NDE1: variants seen among roughly 807,000 people sequenced by gnomAD.
NDE1 encodes the protein nudE neurodevelopment protein 1.
NDE1 carries 28 observed loss-of-function variants against 43.4 expected under a neutral mutation model. The observed-to-expected ratio is 0.65, with a 90% CI of 0.48 to 0.89. The LOEUF (loss-of-function observed/expected upper bound fraction) is 0.89. NDE1 is among the 40% of genes least tolerant of loss of function. The pLI, the probability that NDE1 is intolerant of heterozygous loss-of-function variation, is 0.00. For missense variants in NDE1, 441 were observed against 434.1 expected (o/e 1.02, Z -0.14); for synonymous variants, 184 against 172.0 (o/e 1.07, Z -0.55).
Position 15,725,066 on chromosome 16 carries a change from A to C in NDE1, c.*815A>C. On this transcript the variant is annotated 3_prime_UTR_variant, in exon 9 of 9. Coordinates refer to ENST00000396354, the MANE Select transcript of NDE1 (RefSeq NM_017668.3). ...TCGTTGAAAGGAGCCCTTTTTACTC[A>C]AAACACATGGGCTAGTACTTGAGGT... is the stretch of plus-strand genomic sequence containing the variant. 4.0e-6 allele frequency: 5 copies of C among 1,243,848 alleles called. No homozygotes were observed. Among genetic ancestry groups the C allele is most frequent in the Non-Finnish European group, 5.8e-6 (5 of 864,910 alleles). 77.1% of individuals were successfully genotyped at this position (1,243,848 alleles called of 1,614,324 possible).
intron 5 of NDE1, among the ~76,000 whole-genome samples, chr16:15,690,134 C>T (rs1166950282): frequency 6.6e-6 from 1 of 151,448 alleles, no homozygotes; most frequent in African/African-American, 2.4e-5. Flanking sequence ...ACTGCTTGTC[C>T]CCCAGGCTCA....
intron 3 of NDE1, among the ~76,000 whole-genome samples, chr16:15,667,641 T>G (rs569755019): frequency 2.7e-5 from 4 of 148,184 alleles, no homozygotes; most frequent in African/African-American, 1.0e-4. Flanking sequence ...TGTTTTTTTT[T>G]TTTTTTTGAG....
intron 1 of NDE1, among the ~76,000 whole-genome samples, chr16:15,659,018 A>G (rs1401588941): frequency 1.3e-5 from 2 of 152,158 alleles, no homozygotes; most frequent in African/African-American, 4.8e-5. Flanking sequence ...TGCTTTCCAG[A>G]GGGATGAGTG....
intron 8 of NDE1, chr16:15,703,184 G>C: frequency 5.0e-6 from 1 of 200,994 alleles, no homozygotes. Flanking sequence ...GCACAGTCAG[G>C]GTGTAAACAG....
At position 15,691,265 on chromosome 16, in the gene NDE1, G is replaced by A. The variant is rs1190825625; in HGVS notation, c.645G>A (p.Thr215=). 1.5e-5 allele frequency: 24 copies of A among 1,614,046 alleles called. No homozygotes were observed. The highest frequency in any genetic ancestry group is 1.6e-4 in the Middle Eastern group (1 of 6,084). The part of the protein sequence containing the change: ...AVQATGSVPS[T]PIAHRGPSSS... Reference sequence around the variant, plus strand: ...AGGCCACGGGCTCCGTGCCGTCCACGCCCATTGCTCACCGAGGACCCAGCT... The same window carrying A: ...AGGCCACGGGCTCCGTGCCGTCCACACCCATTGCTCACCGAGGACCCAGCT... The change falls in exon 6 of 9, where the codon ACG becomes ACA. Residue 215 remains threonine, a synonymous_variant. Coordinates refer to ENST00000396354, the MANE Select transcript of NDE1 (RefSeq NM_017668.3).
At chr16:15,700,666 G>T (rs2039191089) in intron 8 of NDE1, among the ~76,000 whole-genome samples, 1 of 151,560 alleles carries the variant, frequency 6.6e-6, no homozygotes, top group Non-Finnish European at 1.5e-5. Flanking sequence ...GGCCATGCTG[G>T]TCTTGAACTC....
chr16:15,710,532 AAAAAG>A (rs954953173), intron 8 of NDE1, among the ~76,000 whole-genome samples: 64 of 147,206 alleles, frequency 4.3e-4, no homozygotes, highest in African/African-American at 1.5e-3. Context: ...AATAAATAAT[AAAAAG>A]AAAAGAAATC....
At chr16:15,708,934 G>A (rs181328141) in intron 8 of NDE1, 89 of 1,292,570 alleles carry the variant, frequency 6.9e-5, no homozygotes, top group Middle Eastern at 3.8e-4. Flanking sequence ...CATTTGCTTC[G>A]ATTTAATAAT....
chr16:15,665,975 C>T (rs868326899), intron 2 of NDE1, among the ~76,000 whole-genome samples: 10 of 152,106 alleles, frequency 6.6e-5, no homozygotes, highest in Middle Eastern at 3.4e-3. Flanking sequence ...AGGCAGCTCT[C>T]GAACTCCCAA....
chr16:15,698,259 C>T (rs2039099581), intron 8 of NDE1, among the ~76,000 whole-genome samples: 1 of 152,124 alleles, frequency 6.6e-6, no homozygotes, highest in Non-Finnish European at 1.5e-5. Context: ...GGGCCAGGCT[C>T]AGTGGCTCAC....
intron 8 of NDE1, chr16:15,699,572 C>A (rs1434786353): frequency 1.7e-6 from 2 of 1,190,174 alleles, no homozygotes; most frequent in Non-Finnish European, 2.1e-6. Context: ...GCCAGGTAGC[C>A]AGTGTCCTCT....
At chr16:15,715,200 C>T in intron 8 of NDE1, 5 of 1,614,080 alleles carry the variant, frequency 3.1e-6, no homozygotes, top group Non-Finnish European at 4.2e-6. Context: ...TGCGCTCGTC[C>T]TCCACCTGCA....
At chr16:15,662,907 G>C (rs1233102668) in intron 1 of NDE1, among the ~76,000 whole-genome samples, 1 of 152,100 alleles carries the variant, frequency 6.6e-6, no homozygotes, top group African/African-American at 2.4e-5. Flanking sequence ...TTGCATTGCT[G>C]CAGGAGCTCC....
At chr16:15,673,893 G>A (rs1040083256) in intron 3 of NDE1, among the ~76,000 whole-genome samples, 5 of 152,146 alleles carry the variant, frequency 3.3e-5, no homozygotes, top group African/African-American at 1.2e-4. Context: ...GGATTGAGAT[G>A]GTTTAGGGCT....
chr16:15,685,350 G>A (rs71376087), intron 4 of NDE1, among the ~76,000 whole-genome samples: 5,882 of 152,104 alleles, frequency 0.039, 157 homozygotes, highest in South Asian at 0.093. Flanking sequence ...GAATTCCTGG[G>A]CTCAAGCAGT....
exon 1 of NDE1, chr16:15,643,666 G>A (rs1414878126): frequency 3.9e-6 from 1 of 257,656 alleles, no homozygotes; most frequent in Admixed American, 6.3e-5. Flanking sequence ...TAAATCTAGT[G>A]CAACCTAGTG....
At chr16:15,653,183 T>TA (rs2036588352) in intron 1 of NDE1, among the ~76,000 whole-genome samples, 2 of 152,178 alleles carry the variant, frequency 1.3e-5, no homozygotes, top group African/African-American at 4.8e-5. Flanking sequence ...TATTAGTACT[T>TA]ACAGTTCTTA....
chr16:15,653,005 A>AT (rs2036580182), intron 1 of NDE1, among the ~76,000 whole-genome samples: 1 of 152,114 alleles, frequency 6.6e-6, no homozygotes, highest in African/African-American at 2.4e-5. Flanking sequence ...CTTACTGTAT[A>AT]TATGTGTATG....
intron 6 of NDE1, among the ~76,000 whole-genome samples, chr16:15,693,177 G>T (rs890995395): frequency 1.6e-4 from 24 of 151,970 alleles, no homozygotes; most frequent in Admixed American, 1.0e-3. Context: ...AGCTAATTTT[G>T]TATTTTTAGT....
Sources: allele counts gnomAD v4.1 joint callset (sites outside exome capture counted in the v4.1 genomes callset), GRCh38; gene constraint gnomAD v4.1.1; transcripts MANE v1.5; gene names NCBI Gene and HGNC (gene_info 2026-07-23, HGNC 2026-07-21).